The following EVA1C variants were observed in gnomAD, a reference collection of about 807,000 sequenced individuals.
EVA1C encodes protein eva-1 homolog C.
EVA1C carries 25 observed loss-of-function variants against 45.4 expected under a neutral mutation model. The ratio of observed to expected loss-of-function variants is 0.55; its 90% confidence interval spans 0.40 to 0.77. The LOEUF (loss-of-function observed/expected upper bound fraction) is 0.77. Among genes scored for constraint, EVA1C ranks in the 30% least tolerant of loss-of-function variants. The pLI, the probability that EVA1C is intolerant of heterozygous loss-of-function variation, is 0.00. For missense variants in EVA1C, 479 were observed against 554.8 expected (o/e 0.86, Z 1.37); for synonymous variants, 190 against 221.2 (o/e 0.86, Z 1.25).
At chr21:32,440,153 C>T (rs1297134310) in intron 1 of EVA1C, among the ~76,000 whole-genome samples, 2 of 151,978 alleles carry the variant, frequency 1.3e-5, no homozygotes, top group East Asian at 3.9e-4. Flanking sequence ...TATGTGAGGG[C>T]AGAACCACTA....
intron 1 of EVA1C, among the ~76,000 whole-genome samples, chr21:32,434,548 G>A (rs540392199): frequency 7.3e-5 from 11 of 150,096 alleles, no homozygotes; most frequent in Non-Finnish European, 1.5e-4. Context: ...CCGAGATAGC[G>A]CCACTGCACT....
At chr21:32,465,200 A>G (rs1328320662) in intron 3 of EVA1C, among the ~76,000 whole-genome samples, 1 of 152,232 alleles carries the variant, frequency 6.6e-6, no homozygotes, top group Non-Finnish European at 1.5e-5. Context: ...AGACTCATGA[A>G]TGAACCTCAA....
intron 1 of EVA1C, among the ~76,000 whole-genome samples, chr21:32,414,138 T>G (rs917417462): frequency 2.6e-5 from 4 of 152,212 alleles, no homozygotes; most frequent in Non-Finnish European, 5.9e-5. Context: ...AGAGGTTCTT[T>G]GCTTTGAATA....
At chr21:32,496,848 A>G (rs1473457376) in intron 5 of EVA1C, 14 of 905,812 alleles carry the variant, frequency 1.5e-5, no homozygotes, top group South Asian at 5.2e-5. Context: ...TGACTGGCAT[A>G]GTGACAGCTA....
rs184742967 is a variant in EVA1C at position 32,464,103 on chromosome 21, C to T, written c.482-3593C>T. On this transcript the variant is annotated intron_variant, in intron 3 of 7. Transcript: ENST00000300255. ...GCGGATATGACTCACCAAAAAGAAT[C>T]GAACCTTCTGACGTTCGGGTCAGAC... Among the ~76,000 whole-genome samples the T allele has an allele frequency of 9.8e-5, 15 of 152,298 alleles. No individual in the cohort carries two copies. In the East Asian group the frequency reaches 2.9e-3, roughly 29 times the overall value.
At chr21:32,484,688 C>T in intron 4 of EVA1C, among the ~76,000 whole-genome samples, 1 of 152,300 alleles carries the variant, frequency 6.6e-6, no homozygotes, top group East Asian at 1.9e-4. Flanking sequence ...TTCTCTGGCC[C>T]CTTTTTCTCA....
At chr21:32,425,230 G>A (rs1296844197) in intron 1 of EVA1C, among the ~76,000 whole-genome samples, 6 of 151,252 alleles carry the variant, frequency 4.0e-5, no homozygotes, top group Non-Finnish European at 5.9e-5. Context: ...AGCTACTCAG[G>A]AGGCTGAGGT....
chr21:32,440,051 C>T (rs2035116283), intron 1 of EVA1C, among the ~76,000 whole-genome samples: 1 of 151,994 alleles, frequency 6.6e-6, no homozygotes, highest in Non-Finnish European at 1.5e-5. Context: ...GGATGGGAGG[C>T]GGTGCCCTTC....
At chr21:32,496,259 G>T (rs1568944418) in intron 5 of EVA1C, among the ~76,000 whole-genome samples, 1 of 152,120 alleles carries the variant, frequency 6.6e-6, no homozygotes, top group Non-Finnish European at 1.5e-5. Flanking sequence ...ACAATGTGTG[G>T]TGCTTTGTGT....
chr21:32,477,907 C>T (rs1031451284), intron 4 of EVA1C, among the ~76,000 whole-genome samples: 5 of 81,456 alleles, frequency 6.1e-5, no homozygotes, highest in African/African-American at 2.0e-4. Flanking sequence ...ACGCCCTCAC[C>T]TCCGCCATAC....
At chr21:32,441,421 G>A (rs975999849) in intron 1 of EVA1C, among the ~76,000 whole-genome samples, 1 of 152,018 alleles carries the variant, frequency 6.6e-6, no homozygotes, top group Non-Finnish European at 1.5e-5. Context: ...TCAAAGCAAA[G>A]GTCCTGAGGT....
chr21:32,454,398 G>A (rs1465135509), intron 2 of EVA1C, among the ~76,000 whole-genome samples: 2 of 152,150 alleles, frequency 1.3e-5, no homozygotes, highest in Non-Finnish European at 2.9e-5. Context: ...ACCAGGAATT[G>A]GGAGAGGTGT....
chr21:32,485,027 C>T (rs959231421), intron 4 of EVA1C, among the ~76,000 whole-genome samples: 1 of 152,142 alleles, frequency 6.6e-6, no homozygotes, highest in African/African-American at 2.4e-5. Flanking sequence ...CTCCCTTGGC[C>T]CATTCTAGAA....
intron 5 of EVA1C, among the ~76,000 whole-genome samples, chr21:32,497,922 C>G (rs994356727): frequency 6.6e-6 from 1 of 152,118 alleles, no homozygotes; most frequent in Non-Finnish European, 1.5e-5. Context: ...CCCTAAGATT[C>G]AATCATCTCC....
At chr21:32,422,358 G>T (rs2034313581) in intron 1 of EVA1C, among the ~76,000 whole-genome samples, 1 of 152,124 alleles carries the variant, frequency 6.6e-6, no homozygotes, top group African/African-American at 2.4e-5. Context: ...ATGGAATGAT[G>T]GTTGAATATA....
intron 1 of EVA1C, among the ~76,000 whole-genome samples, chr21:32,439,581 T>C (rs2035097770): frequency 6.6e-6 from 1 of 152,194 alleles, no homozygotes; most frequent in Admixed American, 6.5e-5. Flanking sequence ...GAGACCTATC[T>C]GAAATCCTCC....
rs1175737498 is a variant in EVA1C, at chr21:32,501,558, CCA to C, written c.859+66_859+67del. 2.5e-6 allele frequency: 4 copies of C among 1,579,066 alleles called. No individual in the cohort carries two copies. The Admixed American group carries it at 7.1e-5, about 28-fold the overall frequency. ...GTAAAGGTAAACAGCCCCTGGGTGACCACAGTTGGGCACACCTTGGTTAGAAT... is the reference window on the plus strand; with the variant it reads ...GTAAAGGTAAACAGCCCCTGGGTGACCAGTTGGGCACACCTTGGTTAGAAT... On this transcript the variant is annotated intron_variant, in intron 6 of 7. Transcript: ENST00000300255.
At chr21:32,510,871 C>CA (rs1166532118) in intron 7 of EVA1C, among the ~76,000 whole-genome samples, 2 of 151,720 alleles carry the variant, frequency 1.3e-5, no homozygotes, top group Non-Finnish European at 2.9e-5. Context: ...CTCATCTTTA[C>CA]AAAAAAATAT....
At chr21:32,464,265 G>T (rs116991795) in intron 3 of EVA1C, among the ~76,000 whole-genome samples, 1 of 152,128 alleles carries the variant, frequency 6.6e-6, no homozygotes, top group Non-Finnish European at 1.5e-5. Flanking sequence ...TTTCTTCCTC[G>T]TGGAGGTTCT....
Sources: allele counts gnomAD v4.1 joint callset (sites outside exome capture counted in the v4.1 genomes callset), GRCh38; gene constraint gnomAD v4.1.1; transcripts MANE v1.5; gene names NCBI Gene and HGNC (gene_info 2026-07-23, HGNC 2026-07-21).